Variants in SDK1 observed in about 807,000 individuals in gnomAD.
The protein encoded by SDK1 is sidekick cell adhesion molecule 1.
Under a neutral mutation model 245.5 loss-of-function variants are expected in SDK1, and 157 were observed. The ratio of observed to expected loss-of-function variants is 0.64; its 90% CI spans 0.56 to 0.73. The LOEUF is 0.73. SDK1 is among the 30% of genes least tolerant of loss of function. The pLI is 0.00. For missense variants in SDK1, 3,583 were observed against 3,002.3 expected (o/e 1.19, Z -4.52); for synonymous variants, 1,647 against 1,278.5 (o/e 1.29, Z -6.15).
chr7:4,091,056 T>C (rs1252519862), intron 22 of SDK1, among the ~76,000 whole-genome samples: 3 of 152,184 alleles, frequency 2.0e-5, no homozygotes, highest in Non-Finnish European at 4.4e-5. Flanking sequence ...GCCCAGATCC[T>C]GACCCCTGAC....
At chr7:3,792,047 G>A (rs1781110312) in intron 4 of SDK1, among the ~76,000 whole-genome samples, 1 of 152,098 alleles carries the variant, frequency 6.6e-6, no homozygotes, top group East Asian at 1.9e-4. Context: ...AGGATTGCTT[G>A]AACCCGGGAG....
intron 14 of SDK1, among the ~76,000 whole-genome samples, chr7:3,994,406 C>G (rs1025574522): frequency 2.0e-5 from 3 of 152,080 alleles, no homozygotes; most frequent in African/African-American, 7.2e-5. Context: ...CTTTGGGAGG[C>G]CGAGTCAGGA....
intron 4 of SDK1, among the ~76,000 whole-genome samples, chr7:3,788,201 G>C (rs541755874): frequency 6.6e-6 from 1 of 152,176 alleles, no homozygotes; most frequent in African/African-American, 2.4e-5. Context: ...CAGTGTCCCC[G>C]CCTCTCAACA....
rs192551498 is a variant in SDK1, at chr7:3,957,279, C to T, written c.1151-1652C>T. On this transcript the variant is annotated intron_variant, in intron 7 of 44. Transcript: ENST00000404826. ...GGGACGTGCATGTGCCGTCTTTTCA[C>T]GCACACTTGAGCGCAGGAAACACTG... Among the ~76,000 whole-genome samples, 18 of 152,298 alleles carry T rather than the reference C, an allele frequency of 1.2e-4. 1 individual carries two copies. Among genetic ancestry groups the T allele is most frequent in the South Asian group, 1.0e-3 (5 of 4,822 alleles).
At chr7:3,726,476 T>C (rs1236036282) in intron 4 of SDK1, among the ~76,000 whole-genome samples, 1 of 152,248 alleles carries the variant, frequency 6.6e-6, no homozygotes, top group Non-Finnish European at 1.5e-5. Context: ...TTGCATGTTT[T>C]CCTGTAGGAA....
intron 5 of SDK1, among the ~76,000 whole-genome samples, chr7:3,878,061 C>G (rs1382817415): frequency 2.0e-5 from 3 of 152,204 alleles, no homozygotes; most frequent in African/African-American, 7.2e-5. Context: ...TGTACATACT[C>G]CCATTAAAGC....
intron 32 of SDK1, among the ~76,000 whole-genome samples, chr7:4,163,295 G>C (rs988744693): frequency 2.0e-5 from 3 of 152,188 alleles, no homozygotes; most frequent in African/African-American, 7.2e-5. Flanking sequence ...GGCTGAAGCT[G>C]TCCTCAAGGA....
chr7:3,502,854 ATTG>A (rs1782263575), intron 1 of SDK1, among the ~76,000 whole-genome samples: 1 of 152,070 alleles, frequency 6.6e-6, no homozygotes, highest in Non-Finnish European at 1.5e-5. Flanking sequence ...CCTTGAGCAA[ATTG>A]TTTTCTTGTT....
intron 1 of SDK1, among the ~76,000 whole-genome samples, chr7:3,422,919 C>T (rs984902062): frequency 6.6e-6 from 1 of 152,108 alleles, no homozygotes; most frequent in African/African-American, 2.4e-5. Flanking sequence ...AATATTGTTA[C>T]CTCATTTTAC....
At chr7:3,620,790 C>G (rs1308835182) in intron 2 of SDK1, among the ~76,000 whole-genome samples, 1 of 152,080 alleles carries the variant, frequency 6.6e-6, no homozygotes, top group African/African-American at 2.4e-5. Flanking sequence ...TCTGGCAGCC[C>G]CGTCCCTTGT....
intron 4 of SDK1, among the ~76,000 whole-genome samples, chr7:3,650,262 G>C (rs1393442858): frequency 6.6e-6 from 1 of 152,134 alleles, no homozygotes; most frequent in Non-Finnish European, 1.5e-5. Context: ...GTGGCACTAA[G>C]TCCATTCACA....
chr7:3,842,550 G>A lies in SDK1; in HGVS notation c.847+20967G>A, dbSNP rs1302680339. On this transcript the variant is annotated intron_variant, in intron 5 of 44. Transcript: ENST00000404826. ...GTGCCTGGGTTGCTGCTATACAGTG[G>A]AGCAGAAGAAATCTGTCTGGAACCC... Among the ~76,000 whole-genome samples, 4 of 152,270 alleles carry A rather than the reference G, an allele frequency of 2.6e-5. No individual in the cohort carries two copies. In the South Asian group the frequency reaches 6.2e-4, roughly 24 times the overall value.
intron 5 of SDK1, among the ~76,000 whole-genome samples, chr7:3,862,832 G>A (rs540058677): frequency 1.6e-4 from 24 of 152,292 alleles, no homozygotes; most frequent in Admixed American, 1.4e-3. Context: ...TTCATGGTGG[G>A]TAGGGATGGT....
intron 4 of SDK1, among the ~76,000 whole-genome samples, chr7:3,797,189 A>T (rs1031977835): frequency 2.6e-5 from 4 of 151,848 alleles, no homozygotes; most frequent in Non-Finnish European, 5.9e-5. Context: ...AAATTTTCGT[A>T]GAGATGGGGT....
chr7:4,167,250 C>T (rs879765506), intron 32 of SDK1, among the ~76,000 whole-genome samples: 4 of 151,950 alleles, frequency 2.6e-5, no homozygotes, highest in African/African-American at 7.3e-5. Flanking sequence ...ATTAGCCGGG[C>T]GTGGTGGCGG....
chr7:3,891,640 G>A (rs971386807), intron 5 of SDK1, among the ~76,000 whole-genome samples: 1 of 152,126 alleles, frequency 6.6e-6, no homozygotes, highest in Admixed American at 6.5e-5. Context: ...AGCACATCAT[G>A]CTTCCAACAG....
At chr7:3,556,700 T>C (rs567150778) in intron 1 of SDK1, among the ~76,000 whole-genome samples, 7 of 152,078 alleles carry the variant, frequency 4.6e-5, no homozygotes, top group Admixed American at 2.0e-4. Context: ...TGCACACCTG[T>C]AATCCCAGCT....
rs180923209 is a variant in SDK1, at chr7:3,444,904, G to C, written c.298+143020G>C. Among the ~76,000 whole-genome samples the C allele has an allele frequency of 4.6e-5, 7 of 152,308 alleles. No individual in the cohort carries two copies. The East Asian group carries it at 1.3e-3, about 29-fold the overall frequency. ...ACAAACAAAAATGTAAGGTCTATGT[G>C]ATGTAGAGTAATAAGATAAGAAACT... On this transcript the variant is annotated intron_variant, in intron 1 of 44. Coordinates refer to ENST00000404826, the MANE Select transcript of SDK1 (RefSeq NM_152744.4).
chr7:3,731,963 T>G (rs1779191382), intron 4 of SDK1, among the ~76,000 whole-genome samples: 1 of 152,188 alleles, frequency 6.6e-6, no homozygotes, highest in Non-Finnish European at 1.5e-5. Context: ...AGATAATTTT[T>G]GTATTTTTAG....
Sources: allele counts gnomAD v4.1 joint callset (sites outside exome capture counted in the v4.1 genomes callset), GRCh38; gene constraint gnomAD v4.1.1; transcripts MANE v1.5; gene names NCBI Gene and HGNC (gene_info 2026-07-23, HGNC 2026-07-21).